The following MKLN1 variants were observed in gnomAD, a reference collection of about 807,000 sequenced individuals.
The protein encoded by MKLN1 is muskelin 1.
MKLN1 carries 18 observed loss-of-function variants against 99.0 expected under a neutral mutation model. The observed-to-expected ratio is 0.18, with a 90% CI of 0.13 to 0.27. MKLN1 has a LOEUF of 0.27. Among genes scored for constraint, MKLN1 ranks in the 10% least tolerant of loss-of-function variants. The pLI is 1.00. For missense variants in MKLN1, 621 were observed against 875.9 expected (o/e 0.71, Z 3.67); for synonymous variants, 288 against 293.2 (o/e 0.98, Z 0.18).
At position 131,492,733 on chromosome 7, in the gene MKLN1, T is replaced by TCAAAAA. The variant is rs1797457474; in HGVS notation, c.*5006_*5011dup. 4.6e-5 allele frequency: 1 copy of TCAAAAA among 21,550 alleles called. No homozygotes were observed. Among genetic ancestry groups the TCAAAAA allele is most frequent in the African/African-American group, 1.8e-4 (1 of 5,690 alleles). 1.3% of individuals were successfully genotyped at this position (21,550 alleles called of 1,614,324 possible). On this transcript the variant is annotated 3_prime_UTR_variant, in exon 18 of 18. Transcript: ENST00000352689. Reference sequence around the variant, plus strand: ...CTGGGCAACAGAGCAAGACCCTGTCTCAAAAAAAAAAAAAAAAAAAGAATG... The same window carrying TCAAAAA: ...CTGGGCAACAGAGCAAGACCCTGTCTCAAAAACAAAAAAAAAAAAAAAAAAAGAATG...
At chr7:131,303,615 T>C (rs1020409911) in intron 3 of MKLN1, among the ~76,000 whole-genome samples, 3 of 152,200 alleles carry the variant, frequency 2.0e-5, no homozygotes, top group Non-Finnish European at 4.4e-5. Flanking sequence ...AGAGATTCCA[T>C]CTCTTGGACT....
rs564015664 is a variant in MKLN1, at chr7:131,168,402, T to A, written c.-297+25461T>A. Among the ~76,000 whole-genome samples the A allele has an allele frequency of 2.4e-3, 362 of 152,018 alleles. 2 individuals carry two copies. Among genetic ancestry groups the A allele is most frequent in the African/African-American group, 8.4e-3 (348 of 41,454 alleles). ...CACAATTATGAAACAATAAAGGCTTTAAAAAAAAGCCACACAACTTGCCCC... is the reference window on the plus strand; with the variant it reads ...CACAATTATGAAACAATAAAGGCTTAAAAAAAAAGCCACACAACTTGCCCC... On this transcript the variant is annotated intron_variant, in intron 2 of 7. Transcript: ENST00000416992.
chr7:131,407,955 G>GTCATCA (rs902925986), intron 6 of MKLN1, among the ~76,000 whole-genome samples: 1 of 151,696 alleles, frequency 6.6e-6, no homozygotes. Context: ...CTGCATCATT[G>GTCATCA]TCATCATCAT....
intron 2 of MKLN1, among the ~76,000 whole-genome samples, chr7:131,145,873 G>A (rs1236835382): frequency 1.3e-5 from 2 of 152,260 alleles, no homozygotes; most frequent in Non-Finnish European, 2.9e-5. Context: ...GTGCCCGGAA[G>A]TGGGGCAGTC....
intron 3 of MKLN1, chr7:131,310,485 C>T (rs1798545412): frequency 6.6e-6 from 1 of 152,180 alleles, no homozygotes. Flanking sequence ...ATCACCTCTT[C>T]AGTGTACCAT....
rs570441427 is a variant in MKLN1, at chr7:131,484,067, G to A, written c.2087-3540G>A. Among the ~76,000 whole-genome samples the A allele has an allele frequency of 5.3e-5, 8 of 151,944 alleles. No homozygotes were observed. The East Asian group carries it at 1.5e-3, about 29-fold the overall frequency. On this transcript the variant is annotated intron_variant, in intron 17 of 17. Coordinates refer to ENST00000352689, the MANE Select transcript of MKLN1 (RefSeq NM_013255.5). ...CATAGTTTTTTTAAGTTAATGATGT[G>A]GCTTGTAGACGTTTTTATGAAGCTA...
upstream of MKLN1, among the ~76,000 whole-genome samples, chr7:131,324,868 A>T (rs549695359): frequency 8.5e-5 from 13 of 152,344 alleles, no homozygotes; most frequent in African/African-American, 3.1e-4. Flanking sequence ...CATTTAAACA[A>T]ATTTTCGTCT....
chr7:131,176,475 T>C (rs1164657262), intron 2 of MKLN1, among the ~76,000 whole-genome samples: 1 of 152,242 alleles, frequency 6.6e-6, no homozygotes. Flanking sequence ...GCTATAAAGA[T>C]TTCTTGTCTT....
At chr7:131,247,644 C>A (rs1427999003) in intron 3 of MKLN1, among the ~76,000 whole-genome samples, 1 of 152,174 alleles carries the variant, frequency 6.6e-6, no homozygotes, top group Non-Finnish European at 1.5e-5. Flanking sequence ...TCAAAACTGC[C>A]CCAGTATGAG....
chr7:131,138,474 G>A (rs1203422000), intron 1 of MKLN1, among the ~76,000 whole-genome samples: 1 of 152,090 alleles, frequency 6.6e-6, no homozygotes, highest in Non-Finnish European at 1.5e-5. Context: ...TGCATAATTT[G>A]TAAAATGATA....
intron 3 of MKLN1, among the ~76,000 whole-genome samples, chr7:131,277,318 T>C (rs144708574): frequency 1.4e-3 from 218 of 152,054 alleles, no homozygotes; most frequent in African/African-American, 5.0e-3. Context: ...AGTTTTGCTC[T>C]TGTTGCCCAG....
chr7:131,123,313 G>A (rs1795405169), intron 1 of MKLN1, among the ~76,000 whole-genome samples: 1 of 152,190 alleles, frequency 6.6e-6, no homozygotes, highest in African/African-American at 2.4e-5. Flanking sequence ...TGGCCCTACA[G>A]TCTGTCTCAG....
chr7:131,364,149 T>C (rs973907906), intron 1 of MKLN1, among the ~76,000 whole-genome samples: 3 of 152,164 alleles, frequency 2.0e-5, no homozygotes, highest in Non-Finnish European at 4.4e-5. Context: ...TATTAAAAAT[T>C]GATTTAAGAG....
intron 3 of MKLN1, among the ~76,000 whole-genome samples, chr7:131,287,200 A>T (rs1050162083): frequency 1.4e-4 from 21 of 152,248 alleles, no homozygotes; most frequent in African/African-American, 4.3e-4. Context: ...CCCATCTGAG[A>T]TGAACAGGTT....
At chr7:131,438,147 A>G (rs1795727617) in intron 10 of MKLN1, 150 bp downstream of exon 10, 2 of 651,890 alleles carry the variant, frequency 3.1e-6, no homozygotes, top group Non-Finnish European at 5.2e-6. Flanking sequence ...TTCAGTAGGT[A>G]TAAAGTTATT....
chr7:131,153,033 ATT>A (rs1220395745), intron 2 of MKLN1, among the ~76,000 whole-genome samples: 2 of 138,272 alleles, frequency 1.4e-5, no homozygotes, highest in African/African-American at 2.7e-5. Flanking sequence ...ATATATATAT[ATT>A]TTTTTTTTTT....
At chr7:131,377,664 T>C (rs1160950654) in intron 2 of MKLN1, among the ~76,000 whole-genome samples, 1 of 152,234 alleles carries the variant, frequency 6.6e-6, no homozygotes, top group Non-Finnish European at 1.5e-5. Flanking sequence ...TATTGGACTA[T>C]ATTTTGAAGG....
chr7:131,127,982 C>T (rs1795488870), intron 1 of MKLN1, among the ~76,000 whole-genome samples: 1 of 152,126 alleles, frequency 6.6e-6, no homozygotes, highest in Non-Finnish European at 1.5e-5. Flanking sequence ...AAGCCAGAAA[C>T]ATTACCAGAA....
chr7:131,405,533 C>G (rs1174913877), intron 6 of MKLN1, among the ~76,000 whole-genome samples: 1 of 152,012 alleles, frequency 6.6e-6, no homozygotes, highest in African/African-American at 2.4e-5. Context: ...CTTTTTAAGC[C>G]AGATGCTTAG....
Sources: allele counts gnomAD v4.1 joint callset (sites outside exome capture counted in the v4.1 genomes callset), GRCh38; gene constraint gnomAD v4.1.1; transcripts MANE v1.5; gene names NCBI Gene and HGNC (gene_info 2026-07-23, HGNC 2026-07-21).